Variants in KCNMA1 observed in about 807,000 individuals in gnomAD.
KCNMA1 encodes the protein Calcium-activated potassium channel subunit alpha-1.
KCNMA1 carries 29 observed loss-of-function variants against 140.0 expected under a neutral mutation model. The ratio of observed to expected loss-of-function variants is 0.21; its 90% CI spans 0.15 to 0.28. The LOEUF is 0.28. Ranked by LOEUF, KCNMA1 falls within the 10% of genes least tolerant of loss-of-function variation. The pLI, the probability that KCNMA1 is intolerant of heterozygous loss-of-function variation, is 1.00. For synonymous variants in KCNMA1, 612 were observed against 611.9 expected (o/e 1.00, Z 0.00); for missense variants, 880 against 1,602.2 (o/e 0.55, Z 7.70).
At chr10:77,608,666 A>C (rs1404340522) in intron 1 of KCNMA1, among the ~76,000 whole-genome samples, 1 of 152,204 alleles carries the variant, frequency 6.6e-6, no homozygotes, top group Non-Finnish European at 1.5e-5. Context: ...CTCTGAGGGC[A>C]GGGACCTTGG....
downstream of KCNMA1, chr10:76,874,406 G>A (rs1169097761): frequency 6.6e-6 from 1 of 152,134 alleles, no homozygotes; most frequent in Non-Finnish European, 1.5e-5. Flanking sequence ...CGTCCCCTGG[G>A]ACCTGAAAGA....
At chr10:77,401,563 C>T (rs1302837287) in intron 2 of KCNMA1, among the ~76,000 whole-genome samples, 3 of 152,212 alleles carry the variant, frequency 2.0e-5, no homozygotes, top group Non-Finnish European at 4.4e-5. Context: ...GGCTCCTTCT[C>T]TGTTTTTCCT....
At position 77,141,507 on chromosome 10, in the gene KCNMA1, G is replaced by A. The variant is rs567950102; in HGVS notation, c.809-20459C>T. ...TCTGCCATGTCAGGACACAGTGAGA[G>A]GGCAGCCGCCTGCAAGCCAGAAAGA... is the stretch of plus-strand genomic sequence containing the variant. On this transcript the variant is annotated intron_variant, in intron 5 of 27. Transcript: ENST00000286628. 9.2e-5 allele frequency among the ~76,000 whole-genome samples: 14 copies of A among 152,324 alleles called. No individual in the cohort carries two copies. The East Asian group carries it at 2.1e-3, about 23-fold the overall frequency.
chr10:77,084,573 A>T (rs2096651912), intron 12 of KCNMA1, 64 bp downstream of exon 12: 1 of 1,289,938 alleles, frequency 7.8e-7, no homozygotes, highest in East Asian at 2.3e-5. Context: ...CAGAAGATCC[A>T]AAAGGGCCGT....
At chr10:76,902,701 G>A (rs981634273) in intron 25 of KCNMA1, 5 of 152,166 alleles carry the variant, frequency 3.3e-5, no homozygotes, top group African/African-American at 9.7e-5. Flanking sequence ...TCCAATTAGT[G>A]TGGCTTTTAA....
rs1014076104 is a variant in KCNMA1 at position 77,110,420 on chromosome 10, G to A, written c.961-77C>T. On this transcript the variant is annotated intron_variant, in intron 7 of 27. Transcript: ENST00000286628. ...ATACATGCAATAAACGCGGAAGCTC[G>A]GCACTCTCGAAGGCCACTTGCTACT... 72 of 1,319,098 alleles carry A rather than the reference G, an allele frequency of 5.5e-5. No individual in the cohort carries two copies. The Middle Eastern group carries it at 3.0e-3, about 54-fold the overall frequency. The allele number at this position is 1,319,098 out of a possible 1,614,324, so 81.7% of individuals were successfully genotyped here.
intron 1 of KCNMA1, among the ~76,000 whole-genome samples, chr10:77,560,786 G>T (rs969178765): frequency 5.9e-5 from 9 of 152,188 alleles, no homozygotes; most frequent in Non-Finnish European, 1.3e-4. Flanking sequence ...CTGGTAGTGG[G>T]TTTGGGCCCA....
intron 2 of KCNMA1, among the ~76,000 whole-genome samples, chr10:77,383,525 G>T (rs1347607732): frequency 6.6e-6 from 1 of 151,624 alleles, no homozygotes; most frequent in African/African-American, 2.4e-5. Context: ...CATTCACATG[G>T]TCGCTCAGCC....
At chr10:77,131,919 C>T (rs528197198) in intron 5 of KCNMA1, among the ~76,000 whole-genome samples, 25 of 145,624 alleles carry the variant, frequency 1.7e-4, no homozygotes, top group African/African-American at 5.1e-4. Context: ...GAGCTGAGAT[C>T]GCGCCACTGC....
intron 2 of KCNMA1, among the ~76,000 whole-genome samples, chr10:77,279,047 G>T (rs1017776432): frequency 6.6e-6 from 1 of 152,120 alleles, no homozygotes; most frequent in Non-Finnish European, 1.5e-5. Context: ...TTTTTGGGGG[G>T]TGTGTTGTTG....
At position 77,473,841 on chromosome 10, in the gene KCNMA1, T is replaced by G. The variant is rs140804047; in HGVS notation, c.379-69818A>C. Among the ~76,000 whole-genome samples the G allele has an allele frequency of 2.9e-3, 439 of 152,254 alleles. 2 individuals carry two copies. Among genetic ancestry groups the G allele is most frequent in the Non-Finnish European group, 4.7e-3 (321 of 68,030 alleles). On this transcript the variant is annotated intron_variant, in intron 1 of 27. Coordinates refer to ENST00000286628, the MANE Select transcript of KCNMA1 (RefSeq NM_001161352.2). ...GATCCAAATTAGATCCTTAATAACG[T>G]GTCACCATGGCTATAAATAAGTCTC...
At chr10:77,611,515 C>G (rs1392566847) in intron 1 of KCNMA1, among the ~76,000 whole-genome samples, 2 of 152,192 alleles carry the variant, frequency 1.3e-5, no homozygotes. Context: ...TAATGTTAAG[C>G]CCATTGAAGT....
intron 2 of KCNMA1, among the ~76,000 whole-genome samples, chr10:77,283,273 T>G (rs1041981894): frequency 1.8e-4 from 27 of 152,232 alleles, no homozygotes; most frequent in Non-Finnish European, 8.8e-5. Context: ...ACTTTCTATT[T>G]TCTCCTCTAC....
intron 14 of KCNMA1, among the ~76,000 whole-genome samples, chr10:77,050,907 G>A (rs901758359): frequency 2.0e-5 from 3 of 152,096 alleles, no homozygotes; most frequent in Admixed American, 6.5e-5. Context: ...GCACAAGATG[G>A]GTATCCAAGT....
intron 5 of KCNMA1, chr10:77,150,012 G>GA (rs2098389538): frequency 6.6e-6 from 1 of 152,136 alleles, no homozygotes; most frequent in African/African-American, 2.4e-5. Context: ...TCACAGATAA[G>GA]AAAAACTCCA....
At chr10:77,452,562 C>A (rs1161653958) in intron 1 of KCNMA1, among the ~76,000 whole-genome samples, 1 of 152,164 alleles carries the variant, frequency 6.6e-6, no homozygotes, top group Admixed American at 6.5e-5. Context: ...AAAGTCCTTT[C>A]ATGCGATGGA....
intron 1 of KCNMA1, chr10:77,637,042 G>A: frequency 3.6e-6 from 5 of 1,399,140 alleles, no homozygotes; most frequent in Non-Finnish European, 4.6e-6. Context: ...GAGCGTCCGC[G>A]TCCCGGAGCG....
At chr10:77,289,718 T>C (rs910964242) in intron 2 of KCNMA1, among the ~76,000 whole-genome samples, 3 of 152,212 alleles carry the variant, frequency 2.0e-5, no homozygotes, top group African/African-American at 7.2e-5. Flanking sequence ...ATAGATATAG[T>C]TTAAATATAA....
chr10:77,491,382 T>C (rs184883887), intron 1 of KCNMA1, among the ~76,000 whole-genome samples: 2 of 152,106 alleles, frequency 1.3e-5, no homozygotes, highest in Non-Finnish European at 2.9e-5. Context: ...TGCCACATTG[T>C]TCCATGGCCC....
Sources: allele counts gnomAD v4.1 joint callset (sites outside exome capture counted in the v4.1 genomes callset), GRCh38; gene constraint gnomAD v4.1.1; transcripts MANE v1.5; gene names NCBI Gene and HGNC (gene_info 2026-07-23, HGNC 2026-07-21).